Variants in AKAP1 observed in about 807,000 individuals in gnomAD.
AKAP1 encodes A-kinase anchoring protein 1, also known as A-kinase anchor protein 1, mitochondrial.
In AKAP1, 32 loss-of-function variants were observed where a neutral mutation model predicts 79.8. That is an observed-to-expected ratio of 0.40 (90% CI 0.30 to 0.54). The LOEUF (loss-of-function observed/expected upper bound fraction) is 0.54, where lower values mean the gene tolerates loss of function less well. Ranked by LOEUF, AKAP1 falls within the 20% of genes least tolerant of loss-of-function variation. AKAP1 has a pLI of 0.47. For synonymous variants in AKAP1, 416 were observed against 466.7 expected (o/e 0.89, Z 1.40); for missense variants, 961 against 1,138.9 (o/e 0.84, Z 2.25).
chr17:57,118,360 C>T, intron 8 of AKAP1, 21 bp from the exon 9 acceptor site: 1 of 1,613,494 alleles, frequency 6.2e-7, no homozygotes, highest in Non-Finnish European at 8.5e-7. Context: ...CTAAATGCCG[C>T]TTTTCCTTTT....
chr17:57,095,484 T>TTTTTC (rs1567898353), intron 1 of AKAP1: 3 of 125,684 alleles, frequency 2.4e-5, no homozygotes, highest in Non-Finnish European at 1.8e-5. Context: ...TTTTTTTTTT[T>TTTTTC]TCTTCTGCCC....
chr17:57,086,486 T>TG lies in AKAP1; in HGVS notation c.-25+1090dup, dbSNP rs1453787629. ...TTCCTCTCCTGGGGGATGTCCTGGG[T>TG]GGCGGCGCCTTCCTGCCGCCGTTAA... On this transcript the variant is annotated intron_variant, in intron 1 of 10. Coordinates refer to ENST00000337714, the MANE Select transcript of AKAP1 (RefSeq NM_003488.4). This position sits in a 1 kb window ranked among gnomAD's most constrained non-coding sequence, Gnocchi z 5.1. 6.6e-6 allele frequency: 3 copies of TG among 452,328 alleles called. No homozygotes were observed. In the Admixed American group the frequency reaches 7.3e-5, roughly 11 times the overall value. The allele number at this position is 452,328 out of a possible 1,614,324, so 28.0% of individuals were successfully genotyped here. A position where few individuals can be genotyped will look rare whatever the true frequency, so the allele number is the denominator to read the frequency against.
chr17:57,089,377 T>C (rs1483433648), intron 1 of AKAP1, among the ~76,000 whole-genome samples: 1 of 152,250 alleles, frequency 6.6e-6, no homozygotes, highest in African/African-American at 2.4e-5. Flanking sequence ...TTTATTTGCC[T>C]AAATTTGTCC....
At chr17:57,096,119 A>C (rs376836668) in intron 1 of AKAP1, 1 of 152,346 alleles carries the variant, frequency 6.6e-6, no homozygotes, top group Admixed American at 6.5e-5. Context: ...AGCAGGAAAG[A>C]GACTGGGCAG....
chr17:57,109,000 G>A (rs560340479), intron 2 of AKAP1, among the ~76,000 whole-genome samples: 5 of 152,232 alleles, frequency 3.3e-5, no homozygotes, highest in Admixed American at 6.5e-5. Flanking sequence ...TGTTCGAAGC[G>A]CCTAGTGTTA....
chr17:57,112,603 G>A lies in AKAP1; in HGVS notation c.2088G>A (p.Leu696=). The change falls in exon 5 of 11, where the codon CTG becomes CTA. Residue 696 remains leucine, a synonymous_variant. Transcript: ENST00000337714. ...TGCCTTCACTGGCACTGCCTTCTCT[G>A]CCGATGACATCCTGGGTGAGCGTGC... ...PPLPSLALPS[L]PMTSWLMLPD... 6.2e-7 allele frequency: 1 copy of A among 1,613,554 alleles called. No homozygotes were observed. The highest frequency in any genetic ancestry group is 8.5e-7 in the Non-Finnish European group (1 of 1,179,716).
At position 57,086,771 on chromosome 17, in the gene AKAP1, C is replaced by T. The variant is rs1198760868; in HGVS notation, c.-25+1373C>T. On this transcript the variant is annotated intron_variant, in intron 1 of 10. Coordinates refer to ENST00000337714, the MANE Select transcript of AKAP1 (RefSeq NM_003488.4). This position sits in a 1 kb window ranked among gnomAD's most constrained non-coding sequence, Gnocchi z 5.1. Reference sequence around the variant, plus strand: ...CTAGTAGCCTTACAAGCTCTTGTAACTGCTAAGTCCTTCCCAAATTAGTAC... The same window carrying T: ...CTAGTAGCCTTACAAGCTCTTGTAATTGCTAAGTCCTTCCCAAATTAGTAC... Among the ~76,000 whole-genome samples, 1 of 150,158 alleles carries T rather than the reference C, an allele frequency of 6.7e-6. No individual in the cohort carries two copies. The highest frequency in any genetic ancestry group is 2.0e-4 in the East Asian group (1 of 5,000).
intron 2 of AKAP1, among the ~76,000 whole-genome samples, chr17:57,108,676 G>A (rs1915048941): frequency 6.6e-6 from 1 of 152,216 alleles, no homozygotes; most frequent in African/African-American, 2.4e-5. Flanking sequence ...TGCCTCGCAT[G>A]TACCTTCATG....
Position 57,105,685 on chromosome 17 carries a change from T to C in AKAP1, c.221T>C (p.Val74Ala). ...AAAGTAGTGTCCACACCCCCCAGTGTCACAGAGCCTCCAGAAAAGGAACTG... is the reference window on the plus strand; with the variant it reads ...AAAGTAGTGTCCACACCCCCCAGTGCCACAGAGCCTCCAGAAAAGGAACTG... ...CPKVVSTPPS[V>A]TEPPEKELST... is the part of the protein sequence containing the mutation. The change falls in exon 2 of 11, where the codon GTC (valine) becomes GCC (alanine). Residue 74 changes from valine (V) to alanine (A), a missense_variant. Val to Ala is a moderately conservative substitution (Grantham distance 64). Around this residue, in one of 3 missense-constraint regions of AKAP1, gnomAD observed 108 missense variants for 147.6 expected, o/e 0.73. Transcript: ENST00000337714. 2 of 1,614,086 alleles carry C rather than the reference T, an allele frequency of 1.2e-6. No homozygotes were observed. Among genetic ancestry groups the C allele is most frequent in the Non-Finnish European group, 1.7e-6 (2 of 1,180,006 alleles).
intron 8 of AKAP1, among the ~76,000 whole-genome samples, chr17:57,118,167 G>A (rs1853083135): frequency 6.6e-6 from 1 of 152,164 alleles, no homozygotes; most frequent in Admixed American, 6.5e-5. Context: ...CTGCACCAGT[G>A]GGCAACATGC....
At chr17:57,094,485 G>A (rs1382383318) in intron 1 of AKAP1, 2 of 152,178 alleles carry the variant, frequency 1.3e-5, no homozygotes, top group Non-Finnish European at 2.9e-5. Flanking sequence ...AGACAACTAG[G>A]CCTGTGGAGC....
intron 8 of AKAP1, 134 bp downstream of exon 8, chr17:57,117,061 A>G (rs1042113645): frequency 1.1e-6 from 1 of 940,632 alleles, no homozygotes; most frequent in Non-Finnish European, 1.7e-6. Context: ...TTCTGACTGA[A>G]TAGGTCTGGG....
At chr17:57,089,483 G>C (rs536624968) in intron 1 of AKAP1, among the ~76,000 whole-genome samples, 1 of 152,116 alleles carries the variant, frequency 6.6e-6, no homozygotes, top group Admixed American at 6.6e-5. Context: ...AAATTTCTTA[G>C]TGACATTAGC....
In AKAP1 at chr17:57,086,427, G is replaced by A. The variant is rs373009342; in HGVS notation, c.-25+1029G>A. 7.2e-5 allele frequency: 33 copies of A among 456,472 alleles called. No homozygotes were observed. In the East Asian group the frequency reaches 7.7e-4, roughly 11 times the overall value. 28.3% of individuals were successfully genotyped at this position (456,472 alleles called of 1,614,324 possible). On this transcript the variant is annotated intron_variant, in intron 1 of 10. Transcript: ENST00000337714. This position sits in a 1 kb window ranked among gnomAD's most constrained non-coding sequence, Gnocchi z 5.1. ...GTGGTAGGCGGTGCTGTGGCGACTCGGAACGGCATGGGAGCCCTGGGCGTT... is the reference window on the plus strand; with the variant it reads ...GTGGTAGGCGGTGCTGTGGCGACTCAGAACGGCATGGGAGCCCTGGGCGTT...
chr17:57,102,777 G>C (rs955089822), intron 1 of AKAP1, among the ~76,000 whole-genome samples: 1 of 152,066 alleles, frequency 6.6e-6, no homozygotes, highest in Admixed American at 6.6e-5. Flanking sequence ...CAGCCTCCTT[G>C]AGCTATTTTA....
chr17:57,086,601 TGGGTATCTTTC>T lies in AKAP1; in HGVS notation c.-25+1204_-25+1214del. Reference sequence around the variant, plus strand: ...CGCAGGGCAATTAGTGAGGTTAACCTGGGTATCTTTCCCCTACTGTAGTGCGCGTTACTTCG... The same window carrying T: ...CGCAGGGCAATTAGTGAGGTTAACCTCCCTACTGTAGTGCGCGTTACTTCG... On this transcript the variant is annotated intron_variant, in intron 1 of 10. Transcript: ENST00000337714. This position sits in a 1 kb window ranked among gnomAD's most constrained non-coding sequence, Gnocchi z 5.1. 1 of 351,996 alleles carries T rather than the reference TGGGTATCTTTC, an allele frequency of 2.8e-6. No individual in the cohort carries two copies. Among genetic ancestry groups the T allele is most frequent in the Non-Finnish European group, 5.6e-6 (1 of 178,732 alleles). 21.8% of individuals were successfully genotyped at this position (351,996 alleles called of 1,614,324 possible).
chr17:57,091,642 G>A (rs1194069395), intron 1 of AKAP1, among the ~76,000 whole-genome samples: 1 of 151,944 alleles, frequency 6.6e-6, no homozygotes, highest in Non-Finnish European at 1.5e-5. Context: ...GCCCCAGCAG[G>A]CAATTTTTCA....
chr17:57,115,914 T>C (rs1915549128), intron 6 of AKAP1, among the ~76,000 whole-genome samples, 197 bp from the exon 7 acceptor site: 1 of 152,176 alleles, frequency 6.6e-6, no homozygotes, highest in Non-Finnish European at 1.5e-5. Flanking sequence ...GCTGAACTTC[T>C]CACATCCAGG....
At chr17:57,118,866 C>T in intron 9 of AKAP1, 116 bp from the exon 10 acceptor site, 1 of 1,143,274 alleles carries the variant, frequency 8.7e-7, no homozygotes, top group Non-Finnish European at 1.3e-6. Flanking sequence ...GATCCAATCA[C>T]CTCCCACCAG....
Sources: allele counts gnomAD v4.1 joint callset (sites outside exome capture counted in the v4.1 genomes callset), GRCh38; gene constraint gnomAD v4.1.1; regional missense constraint gnomAD v4.1.1; non-coding constraint Gnocchi (gnomAD v3.1); transcripts MANE v1.5; gene names NCBI Gene and HGNC (gene_info 2026-07-23, HGNC 2026-07-21).